The following BDP1 variants were observed in gnomAD, a reference collection of about 807,000 sequenced individuals.
The protein encoded by BDP1 is transcription factor TFIIIB component B'' homolog.
Under a neutral mutation model 266.6 loss-of-function variants are expected in BDP1, and 169 were observed. That is an observed-to-expected ratio of 0.63 (90% CI 0.56 to 0.72). The LOEUF is 0.72. Among genes scored for constraint, BDP1 ranks in the 30% least tolerant of loss-of-function variants. BDP1 has a pLI of 0.00. For synonymous variants in BDP1, 1,090 were observed against 1,022.4 expected, an observed-to-expected ratio of 1.07 and a Z score of -1.26; for missense variants, 3,015 against 3,053.8, an observed-to-expected ratio of 0.99 and a Z score of 0.30.
rs1235117912 is a variant in BDP1, at chr5:71,523,968, A to C, written c.5417A>C (p.Tyr1806Ser). 6.2e-7 allele frequency: 1 copy of C among 1,613,790 alleles called. No individual in the cohort carries two copies. The highest frequency in any genetic ancestry group is 1.1e-5 in the South Asian group (1 of 91,066). ...CCACAACCGTTAAACGAAACAAGTT[A>C]CTCTAAAATTGCCCTGGATGGGAAA... ...SCPQPLNETS[Y>S]SKIALDGKTT... Residue 1806 changes from tyrosine to serine, a missense_variant, in exon 25 of 39, where the codon TAC becomes TCC. Around this residue, in one of 3 missense-constraint regions of BDP1, gnomAD observed 2,383 missense variants for 2,404.9 expected, o/e 0.99. Transcript: ENST00000358731.
rs1260656518 is a variant in BDP1, at chr5:71,542,202, G to T, written c.6349G>T (p.Asp2117Tyr). ...LEKTLGTNRL[D>Y]DYQEVSSLCV... ...GAAGACTTTAGGGACCAACAGGCTT[G>T]ATGATTATCAGGAAGTTTCCAGTTT... Residue 2117 changes from aspartate (D) to tyrosine (Y), a missense_variant, in exon 30 of 39, where the codon GAT becomes TAT. Physicochemically the swap from Asp to Tyr is radical, Grantham distance 160. Coordinates refer to ENST00000358731, the MANE Select transcript of BDP1 (RefSeq NM_018429.3). The T allele has an allele frequency of 6.2e-7, 1 of 1,613,552 alleles. No individual in the cohort carries two copies. Among genetic ancestry groups the T allele is most frequent in the East Asian group, 2.2e-5 (1 of 44,784 alleles).
At chr5:71,556,864 T>C (rs1743248972) in intron 35 of BDP1, 22 bp from the exon 36 acceptor site, 1 of 1,238,776 alleles carries the variant, frequency 8.1e-7, no homozygotes, top group Non-Finnish European at 1.1e-6. Flanking sequence ...TCTAAATTTT[T>C]TTTTAAATTT....
intron 36 of BDP1, among the ~76,000 whole-genome samples, chr5:71,557,903 C>G (rs894004192): frequency 7.2e-5 from 11 of 152,124 alleles, no homozygotes; most frequent in Non-Finnish European, 1.5e-4. Context: ...TTTTTTCAGG[C>G]TTAAGCCACC....
At chr5:71,467,834 A>T (rs1761996927) in intron 6 of BDP1, among the ~76,000 whole-genome samples, 1 of 152,074 alleles carries the variant, frequency 6.6e-6, no homozygotes, top group Admixed American at 6.6e-5. Context: ...CTACAAAAAA[A>T]TTAAGAAAAA....
chr5:71,501,474 A>G, intron 13 of BDP1, 88 bp from the exon 14 acceptor site: 1 of 868,006 alleles, frequency 1.2e-6, no homozygotes, highest in Admixed American at 2.0e-5. Flanking sequence ...GTGCCCGGCC[A>G]GTTCTGTTGT....
intron 13 of BDP1, among the ~76,000 whole-genome samples, chr5:71,500,534 C>G (rs1764172227): frequency 6.6e-6 from 1 of 151,692 alleles, no homozygotes; most frequent in Admixed American, 6.6e-5. Flanking sequence ...ACCATGTTAG[C>G]CAGGCTGCTC....
At chr5:71,479,979 A>G (rs1762842158) in intron 7 of BDP1, among the ~76,000 whole-genome samples, 1 of 148,172 alleles carries the variant, frequency 6.7e-6, no homozygotes, top group Admixed American at 6.7e-5. Context: ...GAGTCTCGCT[A>G]TGTCACCCAG....
intron 35 of BDP1, among the ~76,000 whole-genome samples, chr5:71,555,852 C>G (rs1248141679): frequency 6.6e-6 from 1 of 152,114 alleles, no homozygotes; most frequent in African/African-American, 2.4e-5. Context: ...TATATGTTCT[C>G]AAATTAATAT....
intron 18 of BDP1, 145 bp downstream of exon 18, chr5:71,512,573 T>A (rs1764987869): frequency 1.9e-6 from 1 of 513,210 alleles, no homozygotes; most frequent in South Asian, 4.9e-5. Context: ...AGGATTGAGG[T>A]CACTCTGACA....
At chr5:71,516,535 T>C (rs1765232018) in intron 21 of BDP1, among the ~76,000 whole-genome samples, 1 of 152,208 alleles carries the variant, frequency 6.6e-6, no homozygotes, top group Non-Finnish European at 1.5e-5. Context: ...TACTCTGAGA[T>C]AACCACTGAA....
At chr5:71,559,419 T>TAA (rs1478325538) in intron 36 of BDP1, among the ~76,000 whole-genome samples, 1 of 152,240 alleles carries the variant, frequency 6.6e-6, no homozygotes. Context: ...TTCACAGAGC[T>TAA]AAAACACTCT....
rs758941351 is a variant in BDP1, at chr5:71,489,421, G to C, written c.1231G>C (p.Glu411Gln). The C allele has an allele frequency of 6.3e-7, 1 of 1,599,944 alleles. No individual in the cohort carries two copies. The highest frequency in any genetic ancestry group is 2.2e-5 in the East Asian group (1 of 44,784). Residue 411 changes from glutamate to glutamine, a missense_variant, in exon 10 of 39, where the codon GAA becomes CAA. Glu to Gln is a conservative substitution (Grantham distance 29, BLOSUM62 2). Coordinates refer to ENST00000358731, the MANE Select transcript of BDP1 (RefSeq NM_018429.3). ...KNVKVKKVACEGVNNDPDESM... is the reference protein window; with the variant it reads ...KNVKVKKVACQGVNNDPDESM... Reference sequence around the variant, plus strand: ...GTTTTCAGTGAAAAAAGTTGCCTGTGAAGGAGTGAATAATGATCCAGATGA... The same window carrying C: ...GTTTTCAGTGAAAAAAGTTGCCTGTCAAGGAGTGAATAATGATCCAGATGA...
rs773004564 is a variant in BDP1 at position 71,517,440 on chromosome 5, A to G, written c.4979A>G (p.Asn1660Ser). 1.8e-5 allele frequency: 28 copies of G among 1,585,578 alleles called. No homozygotes were observed. Among genetic ancestry groups the G allele is most frequent in the Non-Finnish European group, 2.3e-5 (27 of 1,171,768 alleles). ...LVENLHVNKT[N>S]ETIRHENKPY... ...GAAAACCTTCATGTTAACAAAACAA[A>G]TGAAACAATCAGGTGAGTTTGCTTT... Residue 1660 changes from asparagine to serine, a missense_variant, in exon 22 of 39, where the codon AAT becomes AGT. Physicochemically the swap from Asn to Ser is conservative, Grantham distance 46. Coordinates refer to ENST00000358731, the MANE Select transcript of BDP1 (RefSeq NM_018429.3).
At chr5:71,456,512 T>A (rs548680049) in intron 1 of BDP1, among the ~76,000 whole-genome samples, 1 of 152,346 alleles carries the variant, frequency 6.6e-6, no homozygotes, top group African/African-American at 2.4e-5. Flanking sequence ...CTTTACCGAT[T>A]TATGTCAGTG....
rs755497228 is a variant in BDP1, at chr5:71,501,663, C to T, written c.2048+10C>T. On this transcript the variant is annotated intron_variant, in intron 14 of 38. Coordinates refer to ENST00000358731, the MANE Select transcript of BDP1 (RefSeq NM_018429.3). The stretch of plus-strand genomic sequence containing the variant: ...CTGAAACTGTATCTGTGTGAGTATT[C>T]AGGAAGTAGTAAAAAAAAAAAAAAA... 1.3e-6 allele frequency: 1 copy of T among 777,100 alleles called. No homozygotes were observed. Among genetic ancestry groups the T allele is most frequent in the Admixed American group, 2.8e-5 (1 of 36,204 alleles). 48.1% of individuals were successfully genotyped at this position (777,100 alleles called of 1,614,324 possible). A position where few individuals can be genotyped will look rare whatever the true frequency, so the allele number is the denominator to read the frequency against.
In BDP1 at chr5:71,558,551, C is replaced by T. The variant is rs571478910; in HGVS notation, c.7241-1431C>T. 9.3e-5 allele frequency among the ~76,000 whole-genome samples: 14 copies of T among 150,864 alleles called. No individual in the cohort carries two copies. The East Asian group carries it at 2.2e-3, about 23-fold the overall frequency. On this transcript the variant is annotated intron_variant, in intron 36 of 38. Transcript: ENST00000358731. Reference sequence around the variant, plus strand: ...AACAAACAAAAAATACTTGACTGGGCGTGGTGGCTCACGCCTGTAATCCCA... The same window carrying T: ...AACAAACAAAAAATACTTGACTGGGTGTGGTGGCTCACGCCTGTAATCCCA...
chr5:71,560,695 C>T (rs1743583258), intron 37 of BDP1, among the ~76,000 whole-genome samples: 1 of 152,200 alleles, frequency 6.6e-6, no homozygotes, highest in Admixed American at 6.5e-5. Context: ...GAGCCAACTT[C>T]TCTCACAATT....
At chr5:71,489,961 T>C (rs898472416) in intron 10 of BDP1, among the ~76,000 whole-genome samples, 5 of 152,242 alleles carry the variant, frequency 3.3e-5, no homozygotes, top group Admixed American at 1.3e-4. Flanking sequence ...ATCACATCTA[T>C]ATAGAGTTAA....
chr5:71,556,502 A>G (rs989334617), intron 35 of BDP1, among the ~76,000 whole-genome samples: 2 of 152,156 alleles, frequency 1.3e-5, no homozygotes, highest in African/African-American at 4.8e-5. Context: ...TACCTTTTCT[A>G]TAAATACAGA....
Sources: gnomAD v4.1 joint callset for allele counts (sites outside exome capture counted in the v4.1 genomes callset) on GRCh38, gnomAD v4.1.1 for gene constraint, gnomAD v4.1.1 regional missense constraint, MANE v1.5 for transcripts, NCBI Gene and HGNC (gene_info 2026-07-23, HGNC 2026-07-21) for gene names.